PSD3: variants seen among roughly 807,000 people sequenced by gnomAD.
PSD3 encodes the protein PH and SEC7 domain-containing protein 3.
PSD3 carries 49 observed loss-of-function variants against 105.5 expected under a neutral mutation model. The ratio of observed to expected loss-of-function variants is 0.46; its 90% CI spans 0.37 to 0.59. The LOEUF is 0.59. PSD3 is among the 20% of genes least tolerant of loss of function. The probability of loss-of-function intolerance (pLI) is 0.00; values close to 1 mark genes in which losing one functional copy is unlikely to be tolerated. For missense variants in PSD3, 1,561 were observed against 1,263.8 expected (o/e 1.24, Z -3.57); for synonymous variants, 557 against 457.8 (o/e 1.22, Z -2.77).
intron 8 of PSD3, among the ~76,000 whole-genome samples, chr8:18,783,225 C>G (rs903711165): frequency 1.3e-5 from 2 of 152,114 alleles, no homozygotes; most frequent in Non-Finnish European, 2.9e-5. Flanking sequence ...TTTTATCTTT[C>G]TAAGAATTTG....
intron 3 of PSD3, 96 bp from the exon 4 acceptor site, chr8:18,868,165 T>G (rs905992988): frequency 2.2e-5 from 28 of 1,276,388 alleles, no homozygotes; most frequent in Non-Finnish European, 2.9e-5. Flanking sequence ...TCTGAAGATC[T>G]AACTCTTCTA....
intron 1 of PSD3, among the ~76,000 whole-genome samples, chr8:18,977,658 A>G (rs71510635): frequency 1.3e-5 from 2 of 152,324 alleles, no homozygotes; most frequent in African/African-American, 2.4e-5. Flanking sequence ...TTAGTAAAAA[A>G]CAGTATATAC....
intron 14 of PSD3, among the ~76,000 whole-genome samples, chr8:18,571,761 T>A (rs1211868390): frequency 1.3e-5 from 2 of 152,204 alleles, no homozygotes; most frequent in Non-Finnish European, 2.9e-5. Context: ...ATACCAACAC[T>A]TGGTCGATCA....
intron 4 of PSD3, among the ~76,000 whole-genome samples, chr8:18,848,767 A>G (rs1051510973): frequency 2.0e-5 from 3 of 152,188 alleles, no homozygotes; most frequent in African/African-American, 7.2e-5. Flanking sequence ...ATGACCAGTA[A>G]ACTCACCCTA....
rs534653505 is a variant in PSD3 at position 18,893,219 on chromosome 8, C to T, written c.131-20486G>A. Among the ~76,000 whole-genome samples the T allele has an allele frequency of 9.1e-4, 138 of 152,154 alleles. 1 individual carries two copies. Among genetic ancestry groups the T allele is most frequent in the African/African-American group, 3.1e-3 (127 of 41,498 alleles). On this transcript the variant is annotated intron_variant, in intron 2 of 15. Coordinates refer to ENST00000327040, the MANE Select transcript of PSD3 (RefSeq NM_015310.4). ...GGGATGGAATCAGAATCACAGGGTGCGGGGTCAGCATGGGAGCAGGAAGCA... is the reference window on the plus strand; with the variant it reads ...GGGATGGAATCAGAATCACAGGGTGTGGGGTCAGCATGGGAGCAGGAAGCA...
At chr8:19,006,061 G>A (rs1046903795) in intron 1 of PSD3, among the ~76,000 whole-genome samples, 15 of 151,716 alleles carry the variant, frequency 9.9e-5, no homozygotes. Context: ...CTGGGAGGCC[G>A]AGGCAGGCGA....
Position 18,776,940 on chromosome 8 carries a change from T to A in PSD3, c.2083-11402A>T, listed in dbSNP as rs115441040. Among the ~76,000 whole-genome samples the A allele has an allele frequency of 2.1e-3, 322 of 152,282 alleles. 2 individuals are homozygous for A. Among genetic ancestry groups the A allele is most frequent in the African/African-American group, 7.2e-3 (301 of 41,566 alleles). ...TTCATAAGAGTCTCTAATGATTTTG[T>A]GTTTCTTTGTATTTCTGCGGTATCA... On this transcript the variant is annotated intron_variant, in intron 8 of 15. Coordinates refer to ENST00000327040, the MANE Select transcript of PSD3 (RefSeq NM_015310.4).
rs201073812 is a variant in PSD3 at position 18,535,768 on chromosome 8, G to A, written c.3119C>T (p.Pro1040Leu). Residue 1040 changes from proline to leucine, a missense_variant, in exon 16 of 16, where the codon CCA becomes CTA. By Grantham distance (98) the Pro-to-Leu change is moderately conservative. Coordinates refer to ENST00000327040, the MANE Select transcript of PSD3 (RefSeq NM_015310.4). ...CTAAGTAACTTTTTGCTTAATGCTT[G>A]GTGTTTCAGGTCGGTGATCCTTCCT... ...SERKDHRPET[P>L]SIKQKVT 10 of 1,613,578 alleles carry A rather than the reference G, an allele frequency of 6.2e-6. No homozygotes were observed. Among genetic ancestry groups the A allele is most frequent in the Non-Finnish European group, 7.6e-6 (9 of 1,179,610 alleles).
intron 11 of PSD3, among the ~76,000 whole-genome samples, chr8:18,606,473 T>C (rs367883076): frequency 6.6e-6 from 1 of 152,226 alleles, no homozygotes; most frequent in Admixed American, 6.5e-5. Context: ...AAATATTTCA[T>C]CTATCAGTTT....
At chr8:19,056,645 T>C (rs1420878854) in intron 1 of PSD3, among the ~76,000 whole-genome samples, 1 of 152,214 alleles carries the variant, frequency 6.6e-6, no homozygotes, top group Non-Finnish European at 1.5e-5. Context: ...TTTGGCTCCT[T>C]CATCAACTAT....
chr8:18,765,279 A>C (rs1806880032), intron 9 of PSD3, among the ~76,000 whole-genome samples, 170 bp downstream of exon 9: 1 of 152,210 alleles, frequency 6.6e-6, no homozygotes, highest in Non-Finnish European at 1.5e-5. Flanking sequence ...TATCAACTTA[A>C]GGTACTTTGC....
rs770861180 is a variant in PSD3, at chr8:18,572,587, C to T, written c.2725G>A (p.Gly909Ser). 1.5e-5 allele frequency: 24 copies of T among 1,613,900 alleles called. No individual in the cohort carries two copies. Among genetic ancestry groups the T allele is most frequent in the African/African-American group, 4.0e-5 (3 of 74,898 alleles). Residue 909 changes from glycine to serine, a missense_variant, in exon 14 of 16, where the codon GGC (glycine) becomes AGC (serine). Coordinates refer to ENST00000327040, the MANE Select transcript of PSD3 (RefSeq NM_015310.4). ...FSAPPFPAAI[G>S]SQKKFSRPLL... ...GGGCGGCTAAACTTCTTCTGAGAGC[C>T]GATTGCTGCTGGAAATGGTGGTGCA...
chr8:18,821,489 A>C (rs2129449360), intron 4 of PSD3, among the ~76,000 whole-genome samples: 1 of 152,282 alleles, frequency 6.6e-6, no homozygotes, highest in Non-Finnish European at 1.5e-5. Context: ...TGCGTGAATT[A>C]GTTAAGACCA....
chr8:18,582,600 C>T (rs954279725), intron 12 of PSD3, among the ~76,000 whole-genome samples: 1 of 152,044 alleles, frequency 6.6e-6, no homozygotes, highest in Admixed American at 6.6e-5. Flanking sequence ...TTTCTGGCCC[C>T]TTCATTGGCT....
chr8:18,954,792 C>T (rs1260373850), intron 1 of PSD3, among the ~76,000 whole-genome samples: 1 of 152,164 alleles, frequency 6.6e-6, no homozygotes, highest in East Asian at 1.9e-4. Flanking sequence ...CCCTGCCAAA[C>T]CCCACAGGAT....
At chr8:18,791,603 TG>T (rs762781965) in intron 8 of PSD3, among the ~76,000 whole-genome samples, 12 of 152,164 alleles carry the variant, frequency 7.9e-5, no homozygotes, top group Non-Finnish European at 1.2e-4. Flanking sequence ...GACTTAAATG[TG>T]AAACCCAAAA....
At chr8:18,557,952 T>C (rs1028801256) in intron 14 of PSD3, among the ~76,000 whole-genome samples, 1 of 152,180 alleles carries the variant, frequency 6.6e-6, no homozygotes, top group Non-Finnish European at 1.5e-5. Flanking sequence ...AATGGTTAAA[T>C]GAGGTCATAA....
At chr8:18,998,202 C>T (rs1487665552) in intron 1 of PSD3, among the ~76,000 whole-genome samples, 1 of 151,950 alleles carries the variant, frequency 6.6e-6, no homozygotes, top group Admixed American at 6.6e-5. Context: ...AAATAAGTCA[C>T]TTGGTATGCA....
chr8:18,636,603 C>A (rs183198174), intron 10 of PSD3, among the ~76,000 whole-genome samples: 1 of 152,340 alleles, frequency 6.6e-6, no homozygotes, highest in Non-Finnish European at 1.5e-5. Flanking sequence ...CCCAGAGCAA[C>A]TTCCAGTTCT....
Sources: allele counts gnomAD v4.1 joint callset (sites outside exome capture counted in the v4.1 genomes callset), GRCh38; gene constraint gnomAD v4.1.1; transcripts MANE v1.5; gene names NCBI Gene and HGNC (gene_info 2026-07-23, HGNC 2026-07-21).